C12orf54: variants seen among roughly 807,000 people sequenced by gnomAD.
The protein encoded by C12orf54 is uncharacterized protein C12orf54.
In C12orf54, 24 loss-of-function variants were observed where a neutral mutation model predicts 26.4. The ratio of observed to expected loss-of-function variants is 0.91; its 90% CI spans 0.66 to 1.28. The LOEUF (loss-of-function observed/expected upper bound fraction) is 1.28. Among genes scored for constraint, C12orf54 ranks in the 50% most tolerant of loss-of-function variants. The pLI, the probability that C12orf54 is intolerant of heterozygous loss-of-function variation, is 0.00. For missense variants in C12orf54, 154 were observed against 150.9 expected, an observed-to-expected ratio of 1.02 and a Z score of -0.11; for synonymous variants, 54 against 47.0, an observed-to-expected ratio of 1.15 and a Z score of -0.61.
the C12orf54 span, among the ~76,000 whole-genome samples, chr12:48,461,789 A>G: frequency 6.6e-6 from 1 of 151,974 alleles, no homozygotes; most frequent in East Asian, 1.9e-4. Flanking sequence ...CTGCATAAGA[A>G]ATTAAAGGTC....
the C12orf54 span, among the ~76,000 whole-genome samples, chr12:48,445,007 C>G: frequency 6.6e-6 from 1 of 152,072 alleles, no homozygotes; most frequent in Non-Finnish European, 1.5e-5. Flanking sequence ...CCTGGCTCTA[C>G]TAAAAATACA....
the C12orf54 span, among the ~76,000 whole-genome samples, chr12:48,447,885 G>T: frequency 6.6e-6 from 1 of 152,204 alleles, no homozygotes; most frequent in Non-Finnish European, 1.5e-5. Context: ...AGATGTGATA[G>T]AAATGGAAGT....
At chr12:48,442,612 C>T in the C12orf54 span, 1 of 163,900 alleles carries the variant, frequency 6.1e-6, no homozygotes. Context: ...TCACAGCAAG[C>T]AGGGAGGATT....
chr12:48,422,140 GC>G, the C12orf54 span, among the ~76,000 whole-genome samples: 1 of 152,100 alleles, frequency 6.6e-6, no homozygotes, highest in African/African-American at 2.4e-5. Flanking sequence ...AAAAGAAGAG[GC>G]TCTATTCTCA....
At chr12:48,435,453 T>C in the C12orf54 span, among the ~76,000 whole-genome samples, 8 of 152,108 alleles carry the variant, frequency 5.3e-5, no homozygotes, top group African/African-American at 9.7e-5. Flanking sequence ...CCAAGACATA[T>C]AATTGTCAGA....
At chr12:48,425,348 T>A in the C12orf54 span, among the ~76,000 whole-genome samples, 1 of 151,920 alleles carries the variant, frequency 6.6e-6, no homozygotes, top group Admixed American at 6.6e-5. Context: ...GTTTTCTGTG[T>A]TAGTTTGCTA....
chr12:48,417,453 A>T, the C12orf54 span: 1 of 152,224 alleles, frequency 6.6e-6, no homozygotes, highest in Non-Finnish European at 1.5e-5. Context: ...CCTTGGAATC[A>T]AGGTTAAAAT....
At chr12:48,480,044 C>A (rs1592196621), upstream of C12orf54, among the ~76,000 whole-genome samples, 1 of 151,944 alleles carries the variant, frequency 6.6e-6, no homozygotes, top group Admixed American at 6.6e-5. Flanking sequence ...TGGATACTTT[C>A]GGTCTTAAAG....
chr12:48,469,425 C>T, the C12orf54 span, among the ~76,000 whole-genome samples: 4 of 152,198 alleles, frequency 2.6e-5, no homozygotes, highest in South Asian at 2.1e-4. Context: ...TTCCCGGCCC[C>T]GCAGACAGTC....
chr12:48,423,197 G>A, the C12orf54 span, among the ~76,000 whole-genome samples: 1 of 152,092 alleles, frequency 6.6e-6, no homozygotes, highest in Non-Finnish European at 1.5e-5. Flanking sequence ...TACACTTGTA[G>A]GGTGAGGAAG....
At chr12:48,463,211 T>C in the C12orf54 span, among the ~76,000 whole-genome samples, 110 of 151,830 alleles carry the variant, frequency 7.2e-4, no homozygotes, top group Non-Finnish European at 1.3e-3. Context: ...TTGAAAACTA[T>C]GAAATATAGC....
intron 7 of C12orf54, among the ~76,000 whole-genome samples, chr12:48,493,311 A>C (rs1937832356): frequency 6.6e-6 from 1 of 152,146 alleles, no homozygotes; most frequent in Non-Finnish European, 1.5e-5. Flanking sequence ...GACAGCTAGG[A>C]AAGGAAGGCC....
rs118171974 is a variant in C12orf54 at position 48,486,754 on chromosome 12, G to A, written c.135+28G>A. ...GAGTACAGAGGAATCATTTTTGACAGCATGGCATGAGGTGGGAGGTGGGGG... is the reference window on the plus strand; with the variant it reads ...GAGTACAGAGGAATCATTTTTGACAACATGGCATGAGGTGGGAGGTGGGGG... On this transcript the variant is annotated intron_variant, in intron 4 of 8. Transcript: ENST00000548364. 701 of 1,604,046 alleles carry A rather than the reference G, an allele frequency of 4.4e-4. 9 individuals carry two copies. In the East Asian group the frequency reaches 0.015, roughly 35 times the overall value.
chr12:48,448,581 A>G, the C12orf54 span, among the ~76,000 whole-genome samples: 1 of 152,236 alleles, frequency 6.6e-6, no homozygotes, highest in African/African-American at 2.4e-5. Context: ...TTTTCTATGT[A>G]GACAAGCACA....
chr12:48,477,109 A>G, the C12orf54 span, among the ~76,000 whole-genome samples: 3 of 152,224 alleles, frequency 2.0e-5, no homozygotes, highest in African/African-American at 4.8e-5. Context: ...AAACCACTCA[A>G]CTACATGGAA....
chr12:48,475,622 G>C, the C12orf54 span, among the ~76,000 whole-genome samples: 1 of 152,304 alleles, frequency 6.6e-6, no homozygotes. Flanking sequence ...TAGCTGATGC[G>C]ATCAACTGGA....
the C12orf54 span, among the ~76,000 whole-genome samples, chr12:48,453,745 T>A: frequency 1.3e-5 from 2 of 150,634 alleles, no homozygotes; most frequent in African/African-American, 4.9e-5. Context: ...GCACATTGCC[T>A]GTATCAAACA....
chr12:48,478,907 C>T (rs1954171535), upstream of C12orf54, among the ~76,000 whole-genome samples: 1 of 152,176 alleles, frequency 6.6e-6, no homozygotes, highest in Non-Finnish European at 1.5e-5. Flanking sequence ...AACACTTTTA[C>T]ACTGTTGGTG....
At chr12:48,437,270 A>AC in the C12orf54 span, among the ~76,000 whole-genome samples, 1 of 152,196 alleles carries the variant, frequency 6.6e-6, no homozygotes, top group Admixed American at 6.5e-5. Context: ...TAGCTTACCA[A>AC]CTAAAAAAAG....
Sources: allele counts gnomAD v4.1 joint callset (sites outside exome capture counted in the v4.1 genomes callset), GRCh38; gene constraint gnomAD v4.1.1; transcripts MANE v1.5; gene names NCBI Gene and HGNC (gene_info 2026-07-23, HGNC 2026-07-21).